Variants in SMOC1 observed in about 807,000 individuals in gnomAD.
SMOC1 encodes the protein SPARC related modular calcium binding 1.
Under a neutral mutation model 56.3 loss-of-function variants are expected in SMOC1, and 22 were observed. That is an observed-to-expected ratio of 0.39 (90% CI 0.28 to 0.56). The LOEUF (loss-of-function observed/expected upper bound fraction) is 0.56, where lower values mean the gene tolerates loss of function less well. SMOC1 is among the 20% of genes least tolerant of loss of function. SMOC1 has a pLI of 0.61. For synonymous variants in SMOC1, 193 were observed against 215.0 expected, an observed-to-expected ratio of 0.90 and a Z score of 0.89; for missense variants, 509 against 565.4, an observed-to-expected ratio of 0.90 and a Z score of 1.01.
At chr14:69,938,626 G>A (rs961219030) in intron 1 of SMOC1, among the ~76,000 whole-genome samples, 1 of 152,036 alleles carries the variant, frequency 6.6e-6, no homozygotes, top group Non-Finnish European at 1.5e-5. Context: ...CACACTGGGT[G>A]GGGCTCACCT....
chr14:69,933,346 G>C (rs575273425), intron 1 of SMOC1, among the ~76,000 whole-genome samples: 18 of 148,528 alleles, frequency 1.2e-4, no homozygotes, highest in African/African-American at 4.4e-4. Flanking sequence ...CATTATGGCT[G>C]TTTCTGAAAA....
chr14:69,953,056 T>C (rs573430854), intron 2 of SMOC1, among the ~76,000 whole-genome samples: 1 of 152,346 alleles, frequency 6.6e-6, no homozygotes, highest in Admixed American at 6.5e-5. Context: ...CTAAAGAAAA[T>C]GGTTGCAATT....
At chr14:69,919,099 T>G (rs916625953) in intron 1 of SMOC1, among the ~76,000 whole-genome samples, 2 of 152,200 alleles carry the variant, frequency 1.3e-5, no homozygotes, top group African/African-American at 4.8e-5. Context: ...AAGTTCTGAC[T>G]TAGGGTTACT....
At chr14:69,919,544 A>C (rs1306294230) in intron 1 of SMOC1, among the ~76,000 whole-genome samples, 1 of 152,266 alleles carries the variant, frequency 6.6e-6, no homozygotes, top group Non-Finnish European at 1.5e-5. Context: ...TGATGATTTT[A>C]CAAGTTATGG....
At chr14:69,992,295 C>A in intron 5 of SMOC1, 122 bp from the exon 6 acceptor site, 1 of 840,628 alleles carries the variant, frequency 1.2e-6, no homozygotes. Context: ...TTTCTTTGTT[C>A]TCTTCACTGG....
At chr14:69,951,983 CTT>C (rs1883012430) in intron 1 of SMOC1, among the ~76,000 whole-genome samples, 153 bp from the exon 2 acceptor site, 1 of 152,228 alleles carries the variant, frequency 6.6e-6, no homozygotes. Flanking sequence ...CTTGGTTAGA[CTT>C]TGTGGCTGCT....
rs79347580 is a variant in SMOC1, at chr14:69,898,918, T to C, written c.99+19141T>C. Among the ~76,000 whole-genome samples the C allele has an allele frequency of 7.9e-3, 1,209 of 152,194 alleles. 20 individuals carry two copies. Among genetic ancestry groups the C allele is most frequent in the East Asian group, 0.053 (276 of 5,176 alleles). ...AAAGGACTTGTGGTAAATAGGCCTTTAGTGATGTGGTGGTAAGATGTGGGG... is the reference window on the plus strand; with the variant it reads ...AAAGGACTTGTGGTAAATAGGCCTTCAGTGATGTGGTGGTAAGATGTGGGG... On this transcript the variant is annotated intron_variant, in intron 1 of 11. Transcript: ENST00000361956.
intron 1 of SMOC1, among the ~76,000 whole-genome samples, chr14:69,939,857 C>T (rs1334930678): frequency 6.6e-6 from 1 of 152,208 alleles, no homozygotes; most frequent in Non-Finnish European, 1.5e-5. Flanking sequence ...ATGCTTAGTG[C>T]TGGCTGTGCC....
chr14:70,006,126 G>A (rs1347577815), intron 7 of SMOC1, among the ~76,000 whole-genome samples: 1 of 152,200 alleles, frequency 6.6e-6, no homozygotes, highest in African/African-American at 2.4e-5. Context: ...GAGAAGGAAA[G>A]AGGATGATAG....
intron 11 of SMOC1, among the ~76,000 whole-genome samples, chr14:70,025,560 C>T (rs752597004): frequency 2.6e-4 from 40 of 152,138 alleles, no homozygotes; most frequent in Admixed American, 5.9e-4. Context: ...GCCTCTGTCC[C>T]GGCCTCGCTC....
At chr14:69,926,367 AG>A (rs1885012481) in intron 1 of SMOC1, among the ~76,000 whole-genome samples, 1 of 152,210 alleles carries the variant, frequency 6.6e-6, no homozygotes, top group African/African-American at 2.4e-5. Flanking sequence ...GGGACCAGGG[AG>A]GAGTAAGCCT....
chr14:69,885,462 T>G, intron 1 of SMOC1: 1 of 1,601,138 alleles, frequency 6.2e-7, no homozygotes, highest in Non-Finnish European at 8.5e-7. Flanking sequence ...TATCTGTCAT[T>G]GTAATTGGTC....
At chr14:69,880,146 C>T (rs1391400552) in intron 1 of SMOC1, among the ~76,000 whole-genome samples, 1 of 151,210 alleles carries the variant, frequency 6.6e-6, no homozygotes, top group African/African-American at 2.4e-5. Flanking sequence ...GGCGCCCGGT[C>T]CAGCGCGCTG....
chr14:69,975,613 G>T (rs1371142322), intron 3 of SMOC1, 102 bp from the exon 4 acceptor site: 2 of 859,546 alleles, frequency 2.3e-6, no homozygotes, highest in Non-Finnish European at 4.0e-6. Context: ...GGTGGAAGAT[G>T]CTCTTTCACC....
intron 1 of SMOC1, among the ~76,000 whole-genome samples, chr14:69,896,434 T>C (rs921395601): frequency 6.6e-6 from 1 of 152,204 alleles, no homozygotes; most frequent in Admixed American, 6.5e-5. Context: ...AAGAAAGATA[T>C]TATTTAACTC....
At chr14:70,030,206 T>C (rs1330889201) in intron 11 of SMOC1, 36 bp from the exon 12 acceptor site, 2 of 1,332,922 alleles carry the variant, frequency 1.5e-6, no homozygotes, top group Non-Finnish European at 1.0e-6. Flanking sequence ...CCCGACCTTT[T>C]TTTTTTTTTT....
At chr14:69,986,577 T>G (rs1029960557) in intron 5 of SMOC1, among the ~76,000 whole-genome samples, 1 of 152,216 alleles carries the variant, frequency 6.6e-6, no homozygotes, top group Non-Finnish European at 1.5e-5. Flanking sequence ...GACCTCTCTG[T>G]ATTATCTTTG....
At chr14:69,915,849 T>C (rs1383060985) in intron 1 of SMOC1, among the ~76,000 whole-genome samples, 1 of 152,214 alleles carries the variant, frequency 6.6e-6, no homozygotes, top group African/African-American at 2.4e-5. Flanking sequence ...TGCTCCCACT[T>C]AGTCTTATCT....
At chr14:70,006,773 T>G (rs1326446414) in intron 7 of SMOC1, among the ~76,000 whole-genome samples, 1 of 152,188 alleles carries the variant, frequency 6.6e-6, no homozygotes, top group African/African-American at 2.4e-5. Flanking sequence ...ACATCTGCAG[T>G]TGGTACTCGC....
Sources: allele counts gnomAD v4.1 joint callset (sites outside exome capture counted in the v4.1 genomes callset), GRCh38; gene constraint gnomAD v4.1.1; transcripts MANE v1.5; gene names NCBI Gene and HGNC (gene_info 2026-07-23, HGNC 2026-07-21).